PPM1B: variants seen among roughly 807,000 people sequenced by gnomAD.
The protein encoded by PPM1B is protein phosphatase 1B.
PPM1B carries 22 observed loss-of-function variants against 43.0 expected under a neutral mutation model. The ratio of observed to expected loss-of-function variants is 0.51; its 90% confidence interval spans 0.37 to 0.73. The LOEUF (loss-of-function observed/expected upper bound fraction) is 0.73, where lower values mean the gene tolerates loss of function less well. Ranked by LOEUF, PPM1B falls within the 30% of genes least tolerant of loss-of-function variation. PPM1B has a pLI of 0.00. For synonymous variants in PPM1B, 217 were observed against 197.9 expected, an observed-to-expected ratio of 1.10 and a Z score of -0.81; for missense variants, 632 against 584.2, an observed-to-expected ratio of 1.08 and a Z score of -0.84.
intron 5 of PPM1B, among the ~76,000 whole-genome samples, chr2:44,223,752 C>T (rs374020246): frequency 4.8e-4 from 62 of 128,706 alleles, no homozygotes; most frequent in African/African-American, 1.8e-3. Context: ...GGAGGTGGAG[C>T]TTGCGGTGAG....
At chr2:44,236,981 AGTT>A (rs766550431), downstream of PPM1B, among the ~76,000 whole-genome samples, 1 of 152,256 alleles carries the variant, frequency 6.6e-6, no homozygotes, top group African/African-American at 2.4e-5. Flanking sequence ...GACAATTCCT[AGTT>A]GTGCAAAAAA....
At chr2:44,193,029 A>G (rs1248123991) in intron 1 of PPM1B, among the ~76,000 whole-genome samples, 1 of 152,206 alleles carries the variant, frequency 6.6e-6, no homozygotes, top group South Asian at 2.1e-4. Flanking sequence ...CACAGTGAAC[A>G]TGGGAGTGCC....
chr2:44,233,175 C>G (rs1273105772), downstream of PPM1B: 1 of 952,254 alleles, frequency 1.1e-6, no homozygotes, highest in Non-Finnish European at 1.3e-6. Context: ...TTAATTTTTT[C>G]AGCTTTTAAG....
At position 44,177,226 on chromosome 2, in the gene PPM1B, T is replaced by G. The variant is rs138754242; in HGVS notation, c.-15+7952T>G. Reference sequence around the variant, plus strand: ...GTTGTTCAACATTTGGCCATCTATCTTAGATTTAAAAATAACCAAAAACAA... The same window carrying G: ...GTTGTTCAACATTTGGCCATCTATCGTAGATTTAAAAATAACCAAAAACAA... On this transcript the variant is annotated intron_variant, in intron 1 of 5. Coordinates refer to ENST00000282412, the MANE Select transcript of PPM1B (RefSeq NM_002706.6). Among the ~76,000 whole-genome samples, 200 of 152,342 alleles carry G rather than the reference T, an allele frequency of 1.3e-3. 3 individuals carry two copies. The highest frequency in any genetic ancestry group is 4.5e-3 in the African/African-American group (188 of 41,588).
chr2:44,190,686 G>A (rs1422180875), intron 1 of PPM1B, among the ~76,000 whole-genome samples: 1 of 152,160 alleles, frequency 6.6e-6, no homozygotes, highest in Non-Finnish European at 1.5e-5. Flanking sequence ...TGTTAAAACA[G>A]AAGTGACATT....
chr2:44,237,673 A>AT (rs1055046766), downstream of PPM1B, among the ~76,000 whole-genome samples: 9 of 152,130 alleles, frequency 5.9e-5, no homozygotes, highest in East Asian at 3.9e-4. Context: ...GGCAACAGTG[A>AT]TTTTTTTTAA....
chr2:44,227,162 A>G (rs541622915), intron 5 of PPM1B, among the ~76,000 whole-genome samples: 1 of 151,226 alleles, frequency 6.6e-6, no homozygotes, highest in African/African-American at 2.4e-5. Flanking sequence ...TTTTGTAGAG[A>G]CGGGGTCTCC....
chr2:44,187,005 C>T (rs1668156513), intron 1 of PPM1B, among the ~76,000 whole-genome samples: 1 of 152,188 alleles, frequency 6.6e-6, no homozygotes, highest in South Asian at 2.1e-4. Flanking sequence ...TAAGTATATT[C>T]ACATTATTGT....
downstream of PPM1B, chr2:44,232,762 CT>C: frequency 2.0e-6 from 2 of 988,658 alleles, no homozygotes; most frequent in Non-Finnish European, 2.4e-6. Flanking sequence ...TGATATGTTC[CT>C]TTTTTCAGTT....
At chr2:44,208,137 C>T (rs903651116) in intron 2 of PPM1B, among the ~76,000 whole-genome samples, 1 of 151,898 alleles carries the variant, frequency 6.6e-6, no homozygotes, top group Admixed American at 6.6e-5. Flanking sequence ...ATCTGCCCTC[C>T]TCAGCCTCCC....
chr2:44,233,881 A>T, downstream of PPM1B: 1 of 985,464 alleles, frequency 1.0e-6, no homozygotes, highest in Non-Finnish European at 1.2e-6. Context: ...TTGTCCCTTT[A>T]CTGGGTTTGG....
rs548842975 is a variant in PPM1B, at chr2:44,228,869, G to T, written c.1135-1544G>T. Among the ~76,000 whole-genome samples the T allele has an allele frequency of 7.9e-5, 12 of 152,034 alleles. 1 individual carries two copies. In the South Asian group the frequency reaches 2.5e-3, roughly 31 times the overall value. ...TCATATTTTACCTGTAAACATTTAA[G>T]CATGCAGCTCTTAAGAATGAAGATA... On this transcript the variant is annotated intron_variant, in intron 5 of 5. Coordinates refer to ENST00000282412, the MANE Select transcript of PPM1B (RefSeq NM_002706.6).
At chr2:44,183,963 C>A (rs2104032218) in intron 1 of PPM1B, among the ~76,000 whole-genome samples, 1 of 152,284 alleles carries the variant, frequency 6.6e-6, no homozygotes, top group South Asian at 2.1e-4. Flanking sequence ...TGGTCTCGAT[C>A]TCCTGACCTC....
In PPM1B at chr2:44,201,273, G is replaced by C; in HGVS notation, c.74G>C (p.Gly25Ala). ...AHGAGNGLRYGLSSMQGWRVE... is the reference protein window; with the variant it reads ...AHGAGNGLRYALSSMQGWRVE... ...GGTGCTGGGAATGGTTTACGTTATG[G>C]CCTGAGCAGCATGCAAGGATGGAGA... Residue 25 changes from glycine (G) to alanine (A), a missense_variant, in exon 2 of 6, where the codon GGC becomes GCC. Gly to Ala is a moderately conservative substitution (Grantham distance 60). Transcript: ENST00000282412. This position sits in a 1 kb window ranked among gnomAD's most constrained non-coding sequence, Gnocchi z 5.4. 2 of 1,614,128 alleles carry C rather than the reference G, an allele frequency of 1.2e-6. No homozygotes were observed. Among genetic ancestry groups the C allele is most frequent in the Non-Finnish European group, 1.7e-6 (2 of 1,180,024 alleles).
intron 2 of PPM1B, among the ~76,000 whole-genome samples, chr2:44,203,500 G>A (rs1163130819): frequency 6.6e-6 from 1 of 151,746 alleles, no homozygotes; most frequent in Non-Finnish European, 1.5e-5. Flanking sequence ...CTTACTATTG[G>A]AAAAAAAATC....
chr2:44,176,029 C>T (rs1433332335), intron 1 of PPM1B, among the ~76,000 whole-genome samples: 2 of 152,132 alleles, frequency 1.3e-5, no homozygotes, highest in Admixed American at 1.3e-4. Context: ...CATGATCCAC[C>T]TGCCTCGGCC....
intron 1 of PPM1B, among the ~76,000 whole-genome samples, chr2:44,198,838 G>C (rs899116354): frequency 6.6e-6 from 1 of 152,184 alleles, no homozygotes; most frequent in Admixed American, 6.5e-5. Context: ...AGTGCAGGTA[G>C]TGTCTGGCAT....
chr2:44,245,739 C>T (rs969059788), downstream of PPM1B, among the ~76,000 whole-genome samples: 22 of 152,140 alleles, frequency 1.4e-4, no homozygotes, highest in Non-Finnish European at 2.9e-5. Context: ...GTTCAGTGTA[C>T]CTTTCCCAAG....
chr2:44,170,077 A>T (rs373281321), intron 1 of PPM1B, among the ~76,000 whole-genome samples: 4 of 152,242 alleles, frequency 2.6e-5, no homozygotes, highest in Non-Finnish European at 5.9e-5. Flanking sequence ...TGAAGGACTC[A>T]GTGAGTGTTG....
Sources: allele counts gnomAD v4.1 joint callset (sites outside exome capture counted in the v4.1 genomes callset), GRCh38; gene constraint gnomAD v4.1.1; non-coding constraint Gnocchi (gnomAD v3.1); transcripts MANE v1.5; gene names NCBI Gene and HGNC (gene_info 2026-07-23, HGNC 2026-07-21).